Variants in SLC25A13 observed in about 807,000 individuals in gnomAD.
SLC25A13 encodes solute carrier family 25 member 13, also known as electrogenic aspartate/glutamate antiporter SLC25A13, mitochondrial.
Under a neutral mutation model 85.5 loss-of-function variants are expected in SLC25A13, and 70 were observed. The observed-to-expected ratio is 0.82, with a 90% CI of 0.68 to 1.00. The LOEUF (loss-of-function observed/expected upper bound fraction) is 1.00. Among genes scored for constraint, SLC25A13 ranks in the 50% least tolerant of loss-of-function variants. The pLI is 0.00. For synonymous variants in SLC25A13, 259 were observed against 288.7 expected (o/e 0.90, Z 1.04); for missense variants, 765 against 819.8 (o/e 0.93, Z 0.82).
At chr7:96,255,648 C>T (rs1486051782) in intron 3 of SLC25A13, among the ~76,000 whole-genome samples, 1 of 152,130 alleles carries the variant, frequency 6.6e-6, no homozygotes, top group East Asian at 1.9e-4. Flanking sequence ...GATTGTACCA[C>T]TACACTTCAG....
chr7:96,203,334 T>C (rs1166170453), intron 5 of SLC25A13, among the ~76,000 whole-genome samples: 3 of 152,164 alleles, frequency 2.0e-5, no homozygotes, highest in Non-Finnish European at 2.9e-5. Context: ...GGGAGGTCGG[T>C]GGAGAGGCCT....
At chr7:96,144,902 T>G (rs895507152) in intron 14 of SLC25A13, among the ~76,000 whole-genome samples, 7 of 152,174 alleles carry the variant, frequency 4.6e-5, no homozygotes, top group Admixed American at 3.3e-4. Context: ...AGTACCTAAG[T>G]GCTTTTTACC....
chr7:96,162,526 A>C (rs1793550604), intron 13 of SLC25A13, among the ~76,000 whole-genome samples: 1 of 152,174 alleles, frequency 6.6e-6, no homozygotes, highest in Non-Finnish European at 1.5e-5. Flanking sequence ...CTGGCGCACA[A>C]AGATGAGGTT....
intron 3 of SLC25A13, among the ~76,000 whole-genome samples, chr7:96,251,989 C>G (rs577066774): frequency 6.6e-6 from 1 of 152,194 alleles, no homozygotes; most frequent in African/African-American, 2.4e-5. Flanking sequence ...CAGATGAATA[C>G]AGCAGTTATG....
intron 4 of SLC25A13, among the ~76,000 whole-genome samples, chr7:96,225,396 G>A (rs1443803737): frequency 6.6e-6 from 1 of 152,068 alleles, no homozygotes; most frequent in Non-Finnish European, 1.5e-5. Context: ...TAAAAATAAA[G>A]TTAGCTGGAC....
chr7:96,146,196 T>C (rs1033745937), intron 14 of SLC25A13, among the ~76,000 whole-genome samples: 3 of 152,168 alleles, frequency 2.0e-5, no homozygotes, highest in African/African-American at 4.8e-5. Context: ...ACCATATGCA[T>C]AGGATCAGAA....
At chr7:96,166,243 A>C (rs929307460) in intron 13 of SLC25A13, among the ~76,000 whole-genome samples, 4 of 152,250 alleles carry the variant, frequency 2.6e-5, no homozygotes, top group African/African-American at 7.2e-5. Flanking sequence ...ACATGTGTGC[A>C]TCACAATGAA....
chr7:96,262,614 T>A (rs1280510558), intron 3 of SLC25A13, among the ~76,000 whole-genome samples: 1 of 152,158 alleles, frequency 6.6e-6, no homozygotes. Context: ...TATATTCACC[T>A]TATGTTGGCC....
At chr7:96,219,548 T>C in intron 4 of SLC25A13, 1 of 368,694 alleles carries the variant, frequency 2.7e-6, no homozygotes, top group South Asian at 2.2e-5. Flanking sequence ...TGTTTCCTCA[T>C]CCATGAAAGA....
At position 96,121,141 on chromosome 7, in the gene SLC25A13, C is replaced by G; in HGVS notation, c.*50G>C. On this transcript the variant is annotated 3_prime_UTR_variant, in exon 18 of 18. Transcript: ENST00000265631. ...TTGCTTCATTCCCAGGAGGGATGTT[C>G]TTTACTGCAGTACCCACAAAAAGAC... is the stretch of plus-strand genomic sequence containing the variant. The G allele has an allele frequency of 6.3e-7, 1 of 1,589,568 alleles. No individual in the cohort carries two copies. Among genetic ancestry groups the G allele is most frequent in the Non-Finnish European group, 8.6e-7 (1 of 1,157,676 alleles).
At chr7:96,148,232 A>C (rs1562794725) in intron 13 of SLC25A13, among the ~76,000 whole-genome samples, 1 of 152,202 alleles carries the variant, frequency 6.6e-6, no homozygotes, top group Non-Finnish European at 1.5e-5. Context: ...AAAGGGCCTT[A>C]GTCTAGGAAG....
chr7:96,194,953 G>A (rs1427379509), intron 5 of SLC25A13, among the ~76,000 whole-genome samples: 3 of 152,192 alleles, frequency 2.0e-5, no homozygotes, highest in South Asian at 4.2e-4. Context: ...AGTCTTTCTG[G>A]AGCCTCCACC....
At chr7:96,199,667 T>C (rs2116685658) in intron 5 of SLC25A13, among the ~76,000 whole-genome samples, 1 of 152,300 alleles carries the variant, frequency 6.6e-6, no homozygotes, top group South Asian at 2.1e-4. Flanking sequence ...GCCAGTGAAC[T>C]ATTTTCTGTT....
chr7:96,156,194 T>C (rs1286029305), intron 13 of SLC25A13, among the ~76,000 whole-genome samples: 1 of 152,204 alleles, frequency 6.6e-6, no homozygotes, highest in Non-Finnish European at 1.5e-5. Flanking sequence ...ATAACTGATT[T>C]TCATCAGATA....
intron 4 of SLC25A13, among the ~76,000 whole-genome samples, chr7:96,216,949 G>A (rs527541637): frequency 6.6e-6 from 1 of 152,102 alleles, no homozygotes; most frequent in East Asian, 1.9e-4. Flanking sequence ...AGATAAAATA[G>A]CCTATAGACT....
intron 5 of SLC25A13, among the ~76,000 whole-genome samples, chr7:96,203,518 C>T (rs1795341201): frequency 6.6e-6 from 1 of 152,152 alleles, no homozygotes; most frequent in Admixed American, 6.5e-5. Flanking sequence ...CATAGGGAAA[C>T]AACACCAACA....
At chr7:96,138,740 T>C (rs1163443102) in intron 14 of SLC25A13, among the ~76,000 whole-genome samples, 1 of 152,176 alleles carries the variant, frequency 6.6e-6, no homozygotes, top group Non-Finnish European at 1.5e-5. Context: ...TAGCATCTAA[T>C]AGTGTTAGCA....
chr7:96,228,696 G>A (rs1308053057), intron 4 of SLC25A13, among the ~76,000 whole-genome samples: 2 of 152,188 alleles, frequency 1.3e-5, no homozygotes, highest in African/African-American at 4.8e-5. Flanking sequence ...TGCTTGCAGG[G>A]AGGTGTGGAG....
intron 1 of SLC25A13, 128 bp from the exon 2 acceptor site, chr7:96,297,079 G>T: frequency 1.2e-6 from 1 of 820,032 alleles, no homozygotes. Flanking sequence ...ATACCATGTT[G>T]CCCCAGTGCA....
Sources: gnomAD v4.1 joint callset for allele counts (sites outside exome capture counted in the v4.1 genomes callset) on GRCh38, gnomAD v4.1.1 for gene constraint, MANE v1.5 for transcripts, NCBI Gene and HGNC (gene_info 2026-07-23, HGNC 2026-07-21) for gene names.